The following BBOX1 variants were observed in gnomAD, a reference collection of about 807,000 sequenced individuals.
BBOX1 encodes gamma-butyrobetaine dioxygenase.
In BBOX1, 35 loss-of-function variants were observed where a neutral mutation model predicts 41.6. That is an observed-to-expected ratio of 0.84 (90% CI 0.64 to 1.11). The LOEUF is 1.11. Ranked by LOEUF, BBOX1 falls within the 50% of genes most tolerant of loss-of-function variation. BBOX1 has a pLI of 0.00. For missense variants in BBOX1, 458 were observed against 460.6 expected (o/e 0.99, Z 0.05); for synonymous variants, 163 against 154.7 (o/e 1.05, Z -0.40).
At chr11:27,119,222 A>C (rs981064649) in intron 6 of BBOX1, among the ~76,000 whole-genome samples, 9 of 151,828 alleles carry the variant, frequency 5.9e-5, no homozygotes, top group Admixed American at 6.6e-5. Context: ...TTCTCGTTCT[A>C]TTCTGCATAA....
At chr11:27,057,603 G>A (rs770479230) in intron 4 of BBOX1, among the ~76,000 whole-genome samples, 29 of 152,126 alleles carry the variant, frequency 1.9e-4, no homozygotes, top group Non-Finnish European at 2.6e-4. Flanking sequence ...CAGACACTCC[G>A]TAAGTGTTCA....
chr11:27,081,583 G>A (rs1857836734), intron 4 of BBOX1, among the ~76,000 whole-genome samples: 1 of 152,120 alleles, frequency 6.6e-6, no homozygotes, highest in East Asian at 1.9e-4. Flanking sequence ...TAATGGGATT[G>A]CTGGATCAAA....
At chr11:27,114,771 A>ATT (rs1859196256) in intron 5 of BBOX1, among the ~76,000 whole-genome samples, 1 of 151,972 alleles carries the variant, frequency 6.6e-6, no homozygotes, top group Non-Finnish European at 1.5e-5. Flanking sequence ...TTATCTAAAT[A>ATT]TAAGAGTTAA....
At chr11:27,079,656 T>C (rs1857763641) in intron 4 of BBOX1, among the ~76,000 whole-genome samples, 1 of 152,090 alleles carries the variant, frequency 6.6e-6, no homozygotes, top group Non-Finnish European at 1.5e-5. Context: ...AATCAAGATA[T>C]ATGATGGGCA....
chr11:27,099,586 G>A (rs993816164), intron 5 of BBOX1, among the ~76,000 whole-genome samples: 1 of 152,070 alleles, frequency 6.6e-6, no homozygotes, highest in Non-Finnish European at 1.5e-5. Flanking sequence ...AAACGTTTAG[G>A]AAGAATTGGG....
intron 5 of BBOX1, among the ~76,000 whole-genome samples, chr11:27,114,326 C>T (rs1052383620): frequency 1.3e-5 from 2 of 151,702 alleles, no homozygotes; most frequent in African/African-American, 4.8e-5. Flanking sequence ...TGTCAATACT[C>T]CCCAAAGCAG....
intron 5 of BBOX1, among the ~76,000 whole-genome samples, chr11:27,099,401 TAAAG>T (rs1056774653): frequency 1.3e-5 from 2 of 150,754 alleles, no homozygotes; most frequent in Non-Finnish European, 3.0e-5. Flanking sequence ...GGGAATGAAA[TAAAG>T]AAGGCAAGAG....
At chr11:27,074,963 G>A (rs1390747216) in intron 4 of BBOX1, among the ~76,000 whole-genome samples, 6 of 152,214 alleles carry the variant, frequency 3.9e-5, no homozygotes, top group Admixed American at 2.0e-4. Context: ...GGTACATGGT[G>A]CAAGCTGTCA....
intron 4 of BBOX1, among the ~76,000 whole-genome samples, chr11:27,082,972 C>G (rs1465046003): frequency 6.6e-6 from 1 of 152,044 alleles, no homozygotes; most frequent in Non-Finnish European, 1.5e-5. Flanking sequence ...ACTGAGCATA[C>G]AGAGTATGTC....
intron 4 of BBOX1, among the ~76,000 whole-genome samples, chr11:27,065,816 TATTA>T (rs66499516): frequency 0.19 from 28,538 of 152,102 alleles, 2,812 homozygotes; most frequent in Middle Eastern, 0.25. Context: ...GTAAGAGGTA[TATTA>T]ATTATATTCT....
At chr11:27,117,012 C>T (rs1859291301) in intron 6 of BBOX1, among the ~76,000 whole-genome samples, 1 of 151,982 alleles carries the variant, frequency 6.6e-6, no homozygotes, top group Non-Finnish European at 1.5e-5. Flanking sequence ...GACATTCTTT[C>T]TCTACATTTT....
intron 5 of BBOX1, among the ~76,000 whole-genome samples, chr11:27,113,351 C>G (rs557456427): frequency 6.6e-6 from 1 of 151,830 alleles, no homozygotes; most frequent in Admixed American, 6.6e-5. Context: ...CATGTATGCA[C>G]GCATATGTTC....
intron 4 of BBOX1, among the ~76,000 whole-genome samples, chr11:27,074,527 G>T (rs562255772): frequency 5.7e-4 from 86 of 152,188 alleles, no homozygotes; most frequent in Non-Finnish European, 9.9e-4. Flanking sequence ...AATTTACTGG[G>T]AACTGGAGTA....
At chr11:27,095,577 A>G (rs1388622079) in intron 5 of BBOX1, among the ~76,000 whole-genome samples, 1 of 151,892 alleles carries the variant, frequency 6.6e-6, no homozygotes, top group African/African-American at 2.4e-5. Flanking sequence ...AGATTATCAC[A>G]TTTCTTACCT....
intron 2 of BBOX1, among the ~76,000 whole-genome samples, chr11:27,054,550 C>T (rs1280286675): frequency 6.6e-6 from 1 of 152,098 alleles, no homozygotes; most frequent in Non-Finnish European, 1.5e-5. Context: ...ACCACGGTGT[C>T]TCTGTTTCAC....
chr11:27,077,810 T>C (rs981097825), intron 4 of BBOX1, among the ~76,000 whole-genome samples: 1 of 152,130 alleles, frequency 6.6e-6, no homozygotes, highest in East Asian at 1.9e-4. Flanking sequence ...GGAAAGATTA[T>C]ATAGATTGTC....
chr11:27,113,795 CT>C (rs1316961271), intron 5 of BBOX1, among the ~76,000 whole-genome samples: 1 of 148,926 alleles, frequency 6.7e-6, no homozygotes, highest in African/African-American at 2.5e-5. Flanking sequence ...ACATGTACCC[CT>C]GAACCTAAAA....
At chr11:27,099,707 A>G (rs932005948) in intron 5 of BBOX1, among the ~76,000 whole-genome samples, 2 of 152,080 alleles carry the variant, frequency 1.3e-5, no homozygotes. Context: ...TGTAAGCGAG[A>G]AGTCGATCTG....
chr11:27,093,940 G>GT (rs1858340236), intron 5 of BBOX1, among the ~76,000 whole-genome samples: 1 of 151,902 alleles, frequency 6.6e-6, no homozygotes, highest in Non-Finnish European at 1.5e-5. Flanking sequence ...AATTTATTCC[G>GT]TAACAGGTGA....
Sources: gnomAD v4.1 joint callset for allele counts (sites outside exome capture counted in the v4.1 genomes callset) on GRCh38, gnomAD v4.1.1 for gene constraint, MANE v1.5 for transcripts, NCBI Gene and HGNC (gene_info 2026-07-23, HGNC 2026-07-21) for gene names.